The following UBA6 variants were observed in gnomAD, a reference collection of about 807,000 sequenced individuals.
UBA6 encodes the protein ubiquitin like modifier activating enzyme 6.
In UBA6, 87 loss-of-function variants were observed where a neutral mutation model predicts 148.3. The observed-to-expected ratio is 0.59, with a 90% CI of 0.49 to 0.70. The LOEUF (loss-of-function observed/expected upper bound fraction) is 0.70. Among genes scored for constraint, UBA6 ranks in the 30% least tolerant of loss-of-function variants. The pLI is 0.00. For synonymous variants in UBA6, 376 were observed against 401.0 expected, an observed-to-expected ratio of 0.94 and a Z score of 0.75; for missense variants, 1,186 against 1,241.2, an observed-to-expected ratio of 0.96 and a Z score of 0.67.
At chr4:67,652,936 C>T (rs1729588935) in intron 13 of UBA6, among the ~76,000 whole-genome samples, 1 of 152,190 alleles carries the variant, frequency 6.6e-6, no homozygotes, top group Admixed American at 6.5e-5. Context: ...GCGCAGCAGT[C>T]TGAGATCCAC....
In UBA6 at chr4:67,613,306, C is replaced by T. The variant is rs1003588999; in HGVS notation, c.*5691G>A. On this transcript the variant is annotated 3_prime_UTR_variant, in exon 33 of 33. Transcript: ENST00000322244. Reference sequence around the variant, plus strand: ...AATATTGGTAAATAATTAAAGGTAACCAGGCACACAAGGAGACAAGACAGT... The same window carrying T: ...AATATTGGTAAATAATTAAAGGTAATCAGGCACACAAGGAGACAAGACAGT... 3 of 152,024 alleles carry T rather than the reference C, an allele frequency of 2.0e-5. No individual in the cohort carries two copies. The highest frequency in any genetic ancestry group is 7.2e-5 in the African/African-American group (3 of 41,390). 9.4% of individuals were successfully genotyped at this position (152,024 alleles called of 1,614,324 possible).
chr4:67,651,773 T>C (rs1577810136), intron 13 of UBA6, among the ~76,000 whole-genome samples: 1 of 151,910 alleles, frequency 6.6e-6, no homozygotes, highest in African/African-American at 2.4e-5. Context: ...AGTACAGAAA[T>C]AGACCTACAT....
At chr4:67,663,355 A>G in intron 11 of UBA6, 140 bp from the exon 12 acceptor site, 1 of 553,224 alleles carries the variant, frequency 1.8e-6, no homozygotes, top group Non-Finnish European at 3.2e-6. Flanking sequence ...TATTTAACAA[A>G]TAAGAAACCT....
At position 67,624,159 on chromosome 4, in the gene UBA6, G is replaced by A; in HGVS notation, c.2807C>T (p.Thr936Ile). The change falls in exon 30 of 33, where the codon ACA (threonine) becomes ATA (isoleucine). Residue 936 changes from threonine to isoleucine, a missense_variant. Coordinates refer to ENST00000322244, the MANE Select transcript of UBA6 (RefSeq NM_018227.6). ...LNLAIPIVVF[T>I]ETTEVRKTKI... The stretch of plus-strand genomic sequence containing the variant: ...AGTTTTCCTTACTTCAGTTGTCTCT[G>A]TAAATACTACAATTGGAATGGCTAA... 4 of 1,606,890 alleles carry A rather than the reference G, an allele frequency of 2.5e-6. No homozygotes were observed. The highest frequency in any genetic ancestry group is 3.4e-6 in the Non-Finnish European group (4 of 1,176,860).
At chr4:67,639,732 A>G (rs1226566442) in intron 18 of UBA6, among the ~76,000 whole-genome samples, 1 of 152,198 alleles carries the variant, frequency 6.6e-6, no homozygotes, top group Non-Finnish European at 1.5e-5. Flanking sequence ...ATACACACAT[A>G]CCTATGATAA....
At position 67,639,105 on chromosome 4, in the gene UBA6, G is replaced by A; in HGVS notation, c.1574C>T (p.Ala525Val). 1 of 1,612,352 alleles carries A rather than the reference G, an allele frequency of 6.2e-7. No homozygotes were observed. The highest frequency in any genetic ancestry group is 8.5e-7 in the Non-Finnish European group (1 of 1,179,524). The change falls in exon 19 of 33, where the codon GCT becomes GTT. Residue 525 changes from alanine to valine, a missense_variant. Physicochemically the swap from Ala to Val is moderately conservative, Grantham distance 64. Coordinates refer to ENST00000322244, the MANE Select transcript of UBA6 (RefSeq NM_018227.6). ...ATTTATTTTCAGAGTAGCATCAGCA[G>A]CAGTGTAGCTTTTAGGTTTCTAAAC... ...HHIQKPKSYT[A>V]ADATLKINSQ...
Position 67,644,713 on chromosome 4 carries a change from G to A in UBA6, c.1461C>T (p.Ser487=). The A allele has an allele frequency of 6.3e-7, 1 of 1,598,578 alleles. No individual in the cohort carries two copies. The highest frequency in any genetic ancestry group is 8.6e-7 in the Non-Finnish European group (1 of 1,166,194). ...GATATCTTACCATTCCTTTCTCTTT[G>A]CTTGTGCCAACACCAAGTAAAGCAA... ...KNFALLGVGT[S]KEKGMITVTD... is the part of the protein sequence containing the mutation. Residue 487 remains serine (S), a synonymous_variant, in exon 17 of 33, where the codon AGC becomes AGT. Coordinates refer to ENST00000322244, the MANE Select transcript of UBA6 (RefSeq NM_018227.6).
intron 2 of UBA6, among the ~76,000 whole-genome samples, chr4:67,688,721 A>C (rs1730627476): frequency 6.6e-6 from 1 of 152,012 alleles, no homozygotes; most frequent in Non-Finnish European, 1.5e-5. Flanking sequence ...ATTGCTCTAA[A>C]AGATATTTCC....
At chr4:67,622,385 A>G (rs1728770948) in intron 32 of UBA6, among the ~76,000 whole-genome samples, 1 of 152,172 alleles carries the variant, frequency 6.6e-6, no homozygotes, top group Non-Finnish European at 1.5e-5. Context: ...CTATCACCTA[A>G]CATACTTGCC....
chr4:67,641,058 ACACGATTGTTCAAT>A, intron 18 of UBA6, 79 bp downstream of exon 18: 1 of 768,536 alleles, frequency 1.3e-6, no homozygotes, highest in East Asian at 2.9e-5. Context: ...TAATAAAATA[ACACGATTGTTCAAT>A]CACTATTTTC....
chr4:67,664,605 C>G (rs1394262670), intron 10 of UBA6, among the ~76,000 whole-genome samples: 1 of 152,100 alleles, frequency 6.6e-6, no homozygotes, highest in Admixed American at 6.6e-5. Flanking sequence ...TTTAGTAGCA[C>G]AAGATCCCTT....
chr4:67,625,253 CA>C, intron 28 of UBA6, 66 bp from the exon 29 acceptor site: 1 of 1,214,440 alleles, frequency 8.2e-7, no homozygotes, highest in South Asian at 1.8e-5. Flanking sequence ...AGGTAAAAAG[CA>C]ATGTGAATTT....
At chr4:67,677,002 GA>G (rs1730296260) in intron 6 of UBA6, among the ~76,000 whole-genome samples, 1 of 151,848 alleles carries the variant, frequency 6.6e-6, no homozygotes, top group Admixed American at 6.6e-5. Context: ...ATAATAGATT[GA>G]ACTACTGATC....
chr4:67,674,187 T>C (rs1368444690), intron 6 of UBA6, among the ~76,000 whole-genome samples: 1 of 152,232 alleles, frequency 6.6e-6, no homozygotes, highest in Non-Finnish European at 1.5e-5. Flanking sequence ...ATTAGTTGGC[T>C]ACTAGAACAT....
Position 67,687,195 on chromosome 4 carries a change from C to G in UBA6, c.135-4982G>C, listed in dbSNP as rs370111453. Among the ~76,000 whole-genome samples, 46 of 151,660 alleles carry G rather than the reference C, an allele frequency of 3.0e-4. No homozygotes were observed. The East Asian group carries it at 5.7e-3, about 19-fold the overall frequency. On this transcript the variant is annotated intron_variant, in intron 2 of 32. Transcript: ENST00000322244. The stretch of plus-strand genomic sequence containing the variant: ...GGATTACAGGTGCGTGCCACCATGC[C>G]TGGCTAATTTTTGTATTTTTAGTAG...
rs763492263 is a variant in UBA6, at chr4:67,696,648, T to C, written c.131A>G (p.Tyr44Cys). Residue 44 changes from tyrosine (Y) to cysteine (C), a missense_variant, in exon 2 of 33, where the codon TAT becomes TGT. Coordinates refer to ENST00000322244, the MANE Select transcript of UBA6 (RefSeq NM_018227.6). ...TCAGTTTCTATGAGATTCTTACCTATACAATGCATCATCGATTTCCACAGA... is the reference window on the plus strand; with the variant it reads ...TCAGTTTCTATGAGATTCTTACCTACACAATGCATCATCGATTTCCACAGA... Reference protein sequence around the residue: ...TASVEIDDALYSRQRYVLGDT... With the variant: ...TASVEIDDALCSRQRYVLGDT... 6.2e-7 allele frequency: 1 copy of C among 1,606,682 alleles called. No homozygotes were observed. Among genetic ancestry groups the C allele is most frequent in the Non-Finnish European group, 8.5e-7 (1 of 1,176,260 alleles).
chr4:67,634,192 T>G, intron 22 of UBA6, 50 bp downstream of exon 22: 1 of 1,288,592 alleles, frequency 7.8e-7, no homozygotes, highest in Non-Finnish European at 1.1e-6. Context: ...GAAAATAAGA[T>G]TACACTGACA....
chr4:67,665,057 A>G, intron 10 of UBA6, 132 bp downstream of exon 10: 1 of 548,252 alleles, frequency 1.8e-6, no homozygotes, highest in Non-Finnish European at 3.2e-6. Context: ...AGTGGGTACA[A>G]ACAAAAAAAT....
At chr4:67,668,176 T>G (rs1050880920) in intron 9 of UBA6, among the ~76,000 whole-genome samples, 4 of 152,190 alleles carry the variant, frequency 2.6e-5, no homozygotes, top group Non-Finnish European at 4.4e-5. Context: ...CTGCCAGCCC[T>G]GCTGTATTAA....
Sources: allele counts gnomAD v4.1 joint callset (sites outside exome capture counted in the v4.1 genomes callset), GRCh38; gene constraint gnomAD v4.1.1; transcripts MANE v1.5; gene names NCBI Gene and HGNC (gene_info 2026-07-23, HGNC 2026-07-21).